Variants in SLIT2 observed in about 807,000 individuals in gnomAD.
SLIT2 encodes the protein slit homolog 2 protein.
Under a neutral mutation model 185.7 loss-of-function variants are expected in SLIT2, and 41 were observed. The observed-to-expected ratio is 0.22, with a 90% confidence interval of 0.17 to 0.29. The LOEUF (loss-of-function observed/expected upper bound fraction) is 0.29. SLIT2 is among the 10% of genes least tolerant of loss of function. The probability of loss-of-function intolerance (pLI) is 1.00; values close to 1 mark genes in which losing one functional copy is unlikely to be tolerated. For missense variants in SLIT2, 1,571 were observed against 1,909.0 expected, an observed-to-expected ratio of 0.82 and a Z score of 3.30; for synonymous variants, 693 against 680.2, an observed-to-expected ratio of 1.02 and a Z score of -0.29.
rs142124399 is a variant in SLIT2, at chr4:20,527,091, C to T, written c.1463-1858C>T. On this transcript the variant is annotated intron_variant, in intron 15 of 36. Coordinates refer to ENST00000504154, the MANE Select transcript of SLIT2 (RefSeq NM_004787.4). ...GATTCTGATTCCATTTCCACTAAGA[C>T]ACATTATTTATAAGTTGAAAAGTTC... 1.6e-3 allele frequency among the ~76,000 whole-genome samples: 249 copies of T among 152,226 alleles called. 1 individual carries two copies. Among genetic ancestry groups the T allele is most frequent in the Non-Finnish European group, 2.6e-3 (176 of 68,010 alleles).
chr4:20,523,750 A>G lies in SLIT2; in HGVS notation c.1131-10A>G. On this transcript the variant is annotated splice_polypyrimidine_tract_variant and intron_variant, in intron 12 of 36. Coordinates refer to ENST00000504154, the MANE Select transcript of SLIT2 (RefSeq NM_004787.4). ...CTACACTTTAATTCTACAACTATTT[A>G]ATCAAACAGATTATTGAATGCCAAC... is the stretch of plus-strand genomic sequence containing the variant. 6.2e-7 allele frequency: 1 copy of G among 1,612,426 alleles called. No homozygotes were observed. The highest frequency in any genetic ancestry group is 8.5e-7 in the Non-Finnish European group (1 of 1,178,544).
At chr4:20,327,945 A>G (rs1365376644) in intron 4 of SLIT2, among the ~76,000 whole-genome samples, 2 of 152,038 alleles carry the variant, frequency 1.3e-5, no homozygotes, top group Non-Finnish European at 2.9e-5. Context: ...GAACAATGCC[A>G]ATGACTATAT....
rs972338030 is a variant in SLIT2 at position 20,484,504 on chromosome 4, A to G, written c.540-1696A>G. ...GAATAGTTCTTATATAATTCAATAC[A>G]TTGCAAAACAAGGTGGTAAAGAGGG... On this transcript the variant is annotated intron_variant, in intron 6 of 36. Coordinates refer to ENST00000504154, the MANE Select transcript of SLIT2 (RefSeq NM_004787.4). The surrounding 1 kb of genome is among the most constrained non-coding windows in gnomAD (Gnocchi z 4.3). Among the ~76,000 whole-genome samples, 1 of 152,110 alleles carries G rather than the reference A, an allele frequency of 6.6e-6. No individual in the cohort carries two copies. The highest frequency in any genetic ancestry group is 2.4e-5 in the African/African-American group (1 of 41,444).
Position 20,569,008 on chromosome 4 carries a change from C to A in SLIT2, c.3088+4C>A, listed in dbSNP as rs1175811519. ...CTTTGCCCACCTGAGTATACAGGTA[C>A]AAATAATAGGAAATATTTTGCCTTC... is the stretch of plus-strand genomic sequence containing the variant. On this transcript the variant is annotated splice_donor_region_variant and intron_variant, in intron 29 of 36. Coordinates refer to ENST00000504154, the MANE Select transcript of SLIT2 (RefSeq NM_004787.4). The A allele has an allele frequency of 5.6e-6, 9 of 1,609,760 alleles. No individual in the cohort carries two copies. Among genetic ancestry groups the A allele is most frequent in the Admixed American group, 1.7e-5 (1 of 59,918 alleles).
At chr4:20,265,601 T>G (rs1156514132) in intron 3 of SLIT2, among the ~76,000 whole-genome samples, 1 of 151,936 alleles carries the variant, frequency 6.6e-6, no homozygotes, top group Non-Finnish European at 1.5e-5. Context: ...ATAACTTTCA[T>G]GAAATAATTA....
At chr4:20,479,654 A>G (rs1352433760) in intron 5 of SLIT2, among the ~76,000 whole-genome samples, 1 of 151,954 alleles carries the variant, frequency 6.6e-6, no homozygotes, top group Admixed American at 6.6e-5. Flanking sequence ...TGTGGTACAG[A>G]TACAATATAG....
intron 4 of SLIT2, among the ~76,000 whole-genome samples, chr4:20,342,060 T>C (rs181085938): frequency 6.6e-6 from 1 of 152,290 alleles, no homozygotes; most frequent in African/African-American, 2.4e-5. Flanking sequence ...GTTCAGTGAG[T>C]TGAATTCAGT....
chr4:20,574,352 A>G (rs1260551888), intron 29 of SLIT2, among the ~76,000 whole-genome samples: 1 of 152,152 alleles, frequency 6.6e-6, no homozygotes, highest in East Asian at 1.9e-4. Flanking sequence ...AACTAATTAC[A>G]TTGGATTTTT....
rs545986602 is a variant in SLIT2 at position 20,424,166 on chromosome 4, G to T, written c.396-43586G>T. Among the ~76,000 whole-genome samples, 80 of 152,116 alleles carry T rather than the reference G, an allele frequency of 5.3e-4. No homozygotes were observed. In the South Asian group the frequency reaches 0.015, roughly 28 times the overall value. On this transcript the variant is annotated intron_variant, in intron 4 of 36. Coordinates refer to ENST00000504154, the MANE Select transcript of SLIT2 (RefSeq NM_004787.4). ...TTCCATCAACTACTGCCACCTTCCA[G>T]GAATGTTAAATTGATCAAGTTAGTA...
intron 12 of SLIT2, among the ~76,000 whole-genome samples, chr4:20,520,968 C>G (rs542411401): frequency 2.0e-5 from 3 of 152,288 alleles, no homozygotes; most frequent in Non-Finnish European, 4.4e-5. Context: ...TTATGCTATT[C>G]ACAGCCTAGA....
chr4:20,316,495 T>C (rs1434016862), intron 4 of SLIT2, among the ~76,000 whole-genome samples: 1 of 151,936 alleles, frequency 6.6e-6, no homozygotes, highest in African/African-American at 2.4e-5. Flanking sequence ...CCAGTATATT[T>C]GGTCTTTATT....
intron 4 of SLIT2, among the ~76,000 whole-genome samples, chr4:20,284,540 G>C (rs1242713390): frequency 6.6e-6 from 1 of 152,188 alleles, no homozygotes; most frequent in African/African-American, 2.4e-5. Context: ...GCGAAAGACA[G>C]CATGTGAAGC....
At chr4:20,288,022 A>G (rs1715437796) in intron 4 of SLIT2, among the ~76,000 whole-genome samples, 2 of 152,164 alleles carry the variant, frequency 1.3e-5, no homozygotes, top group Admixed American at 1.3e-4. Flanking sequence ...ATGGTATCTG[A>G]TTTTTAAACA....
chr4:20,275,574 A>G (rs1263170453), intron 4 of SLIT2, among the ~76,000 whole-genome samples: 2 of 152,162 alleles, frequency 1.3e-5, no homozygotes, highest in African/African-American at 4.8e-5. Flanking sequence ...TCTTGCATTT[A>G]TCCTTACTGT....
chr4:20,309,507 T>C (rs1717882218), intron 4 of SLIT2, among the ~76,000 whole-genome samples: 1 of 152,002 alleles, frequency 6.6e-6, no homozygotes, highest in African/African-American at 2.4e-5. Flanking sequence ...TCTTCAAATA[T>C]GCTTAAAATT....
intron 4 of SLIT2, among the ~76,000 whole-genome samples, chr4:20,276,576 T>A (rs1403111096): frequency 7.4e-6 from 1 of 134,424 alleles, no homozygotes; most frequent in East Asian, 2.3e-4. Flanking sequence ...GCAACTTGAT[T>A]TAAGTGTTAA....
intron 4 of SLIT2, among the ~76,000 whole-genome samples, chr4:20,306,977 A>G (rs1717604590): frequency 6.6e-6 from 1 of 151,966 alleles, no homozygotes; most frequent in African/African-American, 2.4e-5. Context: ...TGAGTGCAGA[A>G]ATTCATTTCT....
At position 20,366,059 on chromosome 4, in the gene SLIT2, G is replaced by A. The variant is rs115896385; in HGVS notation, c.395+97178G>A. Among the ~76,000 whole-genome samples the A allele has an allele frequency of 4.3e-3, 659 of 152,152 alleles. 5 individuals are homozygous for A. The highest frequency in any genetic ancestry group is 0.015 in the African/African-American group (630 of 41,528). ...ACTTAACATGGAAGTCCAGGGAATC[G>A]CTGGCTTCAGGCATGTCTGGAAGCA... On this transcript the variant is annotated intron_variant, in intron 4 of 36. Coordinates refer to ENST00000504154, the MANE Select transcript of SLIT2 (RefSeq NM_004787.4).
Position 20,620,309 on chromosome 4 carries a change from T to C in SLIT2, c.*1300T>C, listed in dbSNP as rs188427211. The C allele has an allele frequency of 2.3e-4, 88 of 385,664 alleles. 2 individuals carry two copies. The Middle Eastern group carries it at 3.4e-3, about 15-fold the overall frequency. 23.9% of individuals were successfully genotyped at this position (385,664 alleles called of 1,614,324 possible). A position where few individuals can be genotyped will look rare whatever the true frequency, so the allele number is the denominator to read the frequency against. On this transcript the variant is annotated 3_prime_UTR_variant, in exon 37 of 37. Transcript: ENST00000504154. ...AAACAATAAAACTCCTTTATTATCT[T>C]AATGCTCCCATGTTAACATGTTTGC... is the stretch of plus-strand genomic sequence containing the variant.
Sources: gnomAD v4.1 joint callset for allele counts (sites outside exome capture counted in the v4.1 genomes callset) on GRCh38, gnomAD v4.1.1 for gene constraint, Gnocchi (gnomAD v3.1) non-coding constraint, MANE v1.5 for transcripts, NCBI Gene and HGNC (gene_info 2026-07-23, HGNC 2026-07-21) for gene names.